Variants in PLPPR1 observed in about 807,000 individuals in gnomAD.
The protein encoded by PLPPR1 is phospholipid phosphatase-related protein type 1.
Under a neutral mutation model 33.1 loss-of-function variants are expected in PLPPR1, and 10 were observed. The observed-to-expected ratio is 0.30, with a 90% confidence interval of 0.19 to 0.51. The LOEUF is 0.51. Ranked by LOEUF, PLPPR1 falls within the 20% of genes least tolerant of loss-of-function variation. The pLI is 0.97. For missense variants in PLPPR1, 304 were observed against 408.1 expected (o/e 0.74, Z 2.20); for synonymous variants, 151 against 151.0 (o/e 1.00, Z 0.00).
chr9:101,097,301 A>G (rs2118544767), intron 1 of PLPPR1, among the ~76,000 whole-genome samples: 1 of 152,302 alleles, frequency 6.6e-6, no homozygotes, highest in South Asian at 2.1e-4. Flanking sequence ...TGTCCTAAGT[A>G]TGTGTAACAC....
intron 1 of PLPPR1, among the ~76,000 whole-genome samples, chr9:101,132,665 G>A (rs1831326719): frequency 6.6e-6 from 1 of 152,164 alleles, no homozygotes; most frequent in Admixed American, 6.5e-5. Flanking sequence ...GACTCTGGAT[G>A]CTTATGATGT....
intron 4 of PLPPR1, among the ~76,000 whole-genome samples, chr9:101,294,954 A>G (rs1209440513): frequency 6.6e-6 from 1 of 152,180 alleles, no homozygotes; most frequent in Non-Finnish European, 1.5e-5. Context: ...TGGCCAGGGC[A>G]ATTAGGCAGG....
rs142125574 is a variant in PLPPR1 at position 101,052,696 on chromosome 9, C to A, written c.-46+23594C>A. Among the ~76,000 whole-genome samples, 53 of 152,252 alleles carry A rather than the reference C, an allele frequency of 3.5e-4. 1 individual carries two copies. The highest frequency in any genetic ancestry group is 1.3e-3 in the African/African-American group (52 of 41,556). ...TGTGCAAAAACTTTTGTATCCTCTG[C>A]TTAGGTCATATTTTCTAATGTCCCA... On this transcript the variant is annotated intron_variant, in intron 1 of 7. Transcript: ENST00000374874.
chr9:101,305,847 C>T (rs1828850834), intron 4 of PLPPR1, among the ~76,000 whole-genome samples: 2 of 152,162 alleles, frequency 1.3e-5, no homozygotes, highest in South Asian at 2.1e-4. Context: ...CAGAATTTCA[C>T]TCCATGTCCT....
chr9:101,088,608 G>A (rs1830705457), intron 1 of PLPPR1, among the ~76,000 whole-genome samples: 2 of 152,072 alleles, frequency 1.3e-5, no homozygotes, highest in South Asian at 2.1e-4. Context: ...TTGAGCAACT[G>A]TTGATTTTCA....
intron 2 of PLPPR1, among the ~76,000 whole-genome samples, chr9:101,207,375 C>T (rs548280633): frequency 4.3e-4 from 65 of 152,122 alleles, no homozygotes; most frequent in Non-Finnish European, 8.1e-4. Flanking sequence ...ATTGGAAGAA[C>T]GAAGCAAAGC....
At chr9:101,256,119 T>G (rs1827797634) in intron 2 of PLPPR1, among the ~76,000 whole-genome samples, 1 of 152,176 alleles carries the variant, frequency 6.6e-6, no homozygotes, top group Non-Finnish European at 1.5e-5. Context: ...CTGTGCTTCC[T>G]TAAAAAACAA....
chr9:101,058,414 G>T (rs1215485537), intron 1 of PLPPR1, among the ~76,000 whole-genome samples: 1 of 152,084 alleles, frequency 6.6e-6, no homozygotes, highest in African/African-American at 2.4e-5. Context: ...GATGGGGCAG[G>T]AGACAGTGAA....
chr9:101,291,019 T>G (rs1828490778), intron 4 of PLPPR1, among the ~76,000 whole-genome samples: 1 of 152,180 alleles, frequency 6.6e-6, no homozygotes, highest in Non-Finnish European at 1.5e-5. Flanking sequence ...GTCAGGGAGT[T>G]CCCTTTCCTA....
chr9:101,037,543 A>G (rs1830023849), intron 1 of PLPPR1, among the ~76,000 whole-genome samples: 1 of 152,164 alleles, frequency 6.6e-6, no homozygotes, highest in Non-Finnish European at 1.5e-5. Flanking sequence ...GGAATCAGAT[A>G]CAATTAACAA....
At chr9:101,276,651 T>G (rs553667839) in intron 3 of PLPPR1, among the ~76,000 whole-genome samples, 8 of 152,254 alleles carry the variant, frequency 5.3e-5, no homozygotes, top group Non-Finnish European at 8.8e-5. Flanking sequence ...AAAATTCCCA[T>G]TTCTCTTGTA....
chr9:101,208,484 T>G (rs1826629219), intron 2 of PLPPR1, among the ~76,000 whole-genome samples: 1 of 152,228 alleles, frequency 6.6e-6, no homozygotes, highest in Non-Finnish European at 1.5e-5. Context: ...TCTTACCTCT[T>G]TTGGACATTA....
chr9:101,231,070 T>C (rs1367756), intron 2 of PLPPR1, among the ~76,000 whole-genome samples: 79,250 of 151,570 alleles, frequency 0.52, 22,823 homozygotes, highest in African/African-American at 0.78. Flanking sequence ...CTATTAATAA[T>C]GACTTGATGA....
At chr9:101,148,607 G>A (rs548702624) in intron 1 of PLPPR1, among the ~76,000 whole-genome samples, 1 of 152,020 alleles carries the variant, frequency 6.6e-6, no homozygotes, top group African/African-American at 2.4e-5. Flanking sequence ...CCCATGTCAG[G>A]GTCTCTTCAT....
chr9:101,163,147 G>A (rs1825791588), intron 1 of PLPPR1, among the ~76,000 whole-genome samples: 1 of 152,204 alleles, frequency 6.6e-6, no homozygotes, highest in African/African-American at 2.4e-5. Flanking sequence ...TAAGGAGAAT[G>A]TTTAATAAGT....
chr9:101,209,530 C>T (rs1053944234), intron 2 of PLPPR1, among the ~76,000 whole-genome samples: 1 of 152,160 alleles, frequency 6.6e-6, no homozygotes, highest in Non-Finnish European at 1.5e-5. Context: ...TGTGCTTCTT[C>T]CCTTTATAAA....
At chr9:101,235,685 C>G (rs960978772) in intron 2 of PLPPR1, among the ~76,000 whole-genome samples, 4 of 151,748 alleles carry the variant, frequency 2.6e-5, no homozygotes, top group Non-Finnish European at 2.9e-5. Context: ...GCTGATAGAA[C>G]AGCAATGCCC....
At chr9:101,180,807 G>C (rs866644249) in intron 1 of PLPPR1, among the ~76,000 whole-genome samples, 2 of 151,770 alleles carry the variant, frequency 1.3e-5, no homozygotes, top group African/African-American at 4.8e-5. Context: ...CAAGAGAAAT[G>C]CTTCACAATA....
At chr9:101,039,320 G>T (rs1264830871) in intron 1 of PLPPR1, among the ~76,000 whole-genome samples, 1 of 151,986 alleles carries the variant, frequency 6.6e-6, no homozygotes, top group Non-Finnish European at 1.5e-5. Context: ...GTGATATGGA[G>T]ATAATAAAAG....
Sources: allele counts gnomAD v4.1 joint callset (sites outside exome capture counted in the v4.1 genomes callset), GRCh38; gene constraint gnomAD v4.1.1; transcripts MANE v1.5; gene names NCBI Gene and HGNC (gene_info 2026-07-23, HGNC 2026-07-21).